Variants in ARMC9 observed in about 807,000 individuals in gnomAD.
ARMC9 encodes armadillo repeat containing 9, also known as lisH domain-containing protein ARMC9.
In ARMC9, 94 loss-of-function variants were observed where a neutral mutation model predicts 107.0. That is an observed-to-expected ratio of 0.88 (90% CI 0.74 to 1.04). ARMC9 has a LOEUF of 1.04. ARMC9 is among the 50% of genes least tolerant of loss of function. ARMC9 has a pLI of 0.00. For synonymous variants in ARMC9, 380 were observed against 396.9 expected (o/e 0.96, Z 0.51); for missense variants, 942 against 1,030.1 (o/e 0.91, Z 1.17).
chr2:231,277,637 G>A lies in ARMC9; in HGVS notation c.1475-745G>A, dbSNP rs2039877348. Among the ~76,000 whole-genome samples the A allele has an allele frequency of 2.7e-5, 4 of 150,770 alleles. No homozygotes were observed. In the South Asian group the frequency reaches 8.4e-4, roughly 32 times the overall value. On this transcript the variant is annotated intron_variant, in intron 15 of 24. Coordinates refer to ENST00000611582, the MANE Select transcript of ARMC9 (RefSeq NM_001352754.2). ...GGCAGTGGCATGATCTTGGCTCAGTGGTGCAACCTCTGCCTCCCGGGTTCA... is the reference window on the plus strand; with the variant it reads ...GGCAGTGGCATGATCTTGGCTCAGTAGTGCAACCTCTGCCTCCCGGGTTCA...
intron 20 of ARMC9, among the ~76,000 whole-genome samples, chr2:231,337,175 T>C (rs2044152293): frequency 6.6e-6 from 1 of 151,710 alleles, no homozygotes. Context: ...TTCAGTCTAT[T>C]ATTCCTGCCC....
intron 19 of ARMC9, among the ~76,000 whole-genome samples, chr2:231,319,775 A>C (rs1234529191): frequency 2.0e-5 from 3 of 152,100 alleles, no homozygotes; most frequent in Non-Finnish European, 4.4e-5. Context: ...TGGCCACCAG[A>C]CCATCTTCTT....
At chr2:231,321,422 C>G (rs1045781916) in intron 19 of ARMC9, among the ~76,000 whole-genome samples, 1 of 152,176 alleles carries the variant, frequency 6.6e-6, no homozygotes, top group Non-Finnish European at 1.5e-5. Context: ...GTAGCAGCAG[C>G]CTGGGAGTTT....
intron 19 of ARMC9, among the ~76,000 whole-genome samples, chr2:231,311,787 A>T (rs941455684): frequency 6.6e-6 from 1 of 151,182 alleles, no homozygotes; most frequent in Admixed American, 6.6e-5. Context: ...AAAAAAAAAA[A>T]AAAAAAAAAT....
chr2:231,292,825 G>A (rs2125475697), intron 18 of ARMC9, among the ~76,000 whole-genome samples: 1 of 152,376 alleles, frequency 6.6e-6, no homozygotes, highest in South Asian at 2.1e-4. Context: ...AAGGCCAGAA[G>A]CCCCCAGGTG....
At chr2:231,201,375 C>G (rs1217580574) in intron 1 of ARMC9, among the ~76,000 whole-genome samples, 173 of 152,378 alleles carry the variant, frequency 1.1e-3, no homozygotes, top group African/African-American at 3.8e-3. Context: ...GCCTCCAGCA[C>G]CCGGCTGGCT....
At position 231,362,568 on chromosome 2, in the gene ARMC9, G is replaced by C. The variant is rs1294501105; in HGVS notation, c.2261+1685G>C. On this transcript the variant is annotated intron_variant, in intron 23 of 24. Coordinates refer to ENST00000611582, the MANE Select transcript of ARMC9 (RefSeq NM_001352754.2). This position sits in a 1 kb window ranked among gnomAD's most constrained non-coding sequence, Gnocchi z 4.7. ...AGACCCCTCAGGGTCCAACCCAGAG[G>C]TGCCCTCCCCTTGGTGTCAGTCACT... The C allele has an allele frequency of 6.6e-6, 1 of 151,846 alleles. No individual in the cohort carries two copies. The highest frequency in any genetic ancestry group is 2.4e-5 in the African/African-American group (1 of 41,278). The allele number at this position is 151,846 out of a possible 1,614,324, so 9.4% of individuals were successfully genotyped here.
intron 19 of ARMC9, among the ~76,000 whole-genome samples, chr2:231,299,270 AGT>A (rs1325356335): frequency 6.6e-6 from 1 of 152,238 alleles, no homozygotes; most frequent in Non-Finnish European, 1.5e-5. Context: ...GAAATCATAA[AGT>A]AATTTGACCA....
chr2:231,337,288 ATAT>A (rs1338225393), intron 20 of ARMC9, among the ~76,000 whole-genome samples: 2 of 52,306 alleles, frequency 3.8e-5, no homozygotes, highest in Non-Finnish European at 7.1e-5. Context: ...ATATATATAT[ATAT>A]TTTTTTTTTT....
chr2:231,250,550 G>A lies in ARMC9; in HGVS notation c.880-6036G>A, dbSNP rs564541804. Among the ~76,000 whole-genome samples the A allele has an allele frequency of 3.3e-5, 5 of 152,236 alleles. No homozygotes were observed. The South Asian group carries it at 6.2e-4, about 19-fold the overall frequency. On this transcript the variant is annotated intron_variant, in intron 9 of 24. Transcript: ENST00000611582. ...GGGGATGCTGAGGAAAATCAGTGCC[G>A]GCCCATGCTCCCAGAGGGGAGGGTA... is the stretch of plus-strand genomic sequence containing the variant.
chr2:231,356,009 G>A, intron 22 of ARMC9, 75 bp downstream of exon 22: 1 of 1,471,836 alleles, frequency 6.8e-7, no homozygotes, highest in East Asian at 2.5e-5. Flanking sequence ...AGCAGCAGGA[G>A]TGGCAGACGC....
At chr2:231,361,575 GT>G (rs1264448191) in intron 23 of ARMC9, among the ~76,000 whole-genome samples, 1 of 151,776 alleles carries the variant, frequency 6.6e-6, no homozygotes, top group Non-Finnish European at 1.5e-5. Flanking sequence ...GTTATTAGGG[GT>G]TCTTTAGGGT....
At chr2:231,312,353 C>CG (rs2042401258) in intron 19 of ARMC9, among the ~76,000 whole-genome samples, 1 of 152,222 alleles carries the variant, frequency 6.6e-6, no homozygotes, top group Non-Finnish European at 1.5e-5. Flanking sequence ...CTCCAGAATT[C>CG]TCAGGGCCTC....
Position 231,271,047 on chromosome 2 carries a change from C to G in ARMC9, c.1185C>G (p.Ile395Met). The change falls in exon 13 of 25, where the codon ATC (isoleucine) becomes ATG (methionine). Residue 395 changes from isoleucine (I) to methionine (M), a missense_variant. Ile to Met is a conservative substitution (Grantham distance 10). Coordinates refer to ENST00000611582, the MANE Select transcript of ARMC9 (RefSeq NM_001352754.2). ...DVVRQYMARL[I>M]NAFASLAEGR... ...TGCGGCAGTACATGGCCAGGCTCAT[C>G]AATGCTTTTGCGTCACTGGCAGAAG... 2 of 1,614,132 alleles carry G rather than the reference C, an allele frequency of 1.2e-6. No individual in the cohort carries two copies. The highest frequency in any genetic ancestry group is 1.1e-5 in the South Asian group (1 of 91,082).
intron 19 of ARMC9, among the ~76,000 whole-genome samples, chr2:231,325,590 C>G (rs2043269859): frequency 6.6e-6 from 1 of 152,104 alleles, no homozygotes; most frequent in South Asian, 2.1e-4. Flanking sequence ...TACTCCATGC[C>G]CAGAGCTCCC....
At position 231,331,830 on chromosome 2, in the gene ARMC9, A is replaced by C; in HGVS notation, c.1811A>C (p.Asp604Ala). 1 of 1,614,084 alleles carries C rather than the reference A, an allele frequency of 6.2e-7. No individual in the cohort carries two copies. Among genetic ancestry groups the C allele is most frequent in the Non-Finnish European group, 8.5e-7 (1 of 1,179,962 alleles). The change falls in exon 20 of 25, where the codon GAC becomes GCC. Residue 604 changes from aspartate to alanine, a missense_variant. Coordinates refer to ENST00000611582, the MANE Select transcript of ARMC9 (RefSeq NM_001352754.2). ...ATCATGGAAGCCGATCTGGACAAAG[A>C]CGAACTGATCCAGCCCCAGCTCGGA... ...HDIMEADLDK[D>A]ELIQPQLGEL...
chr2:231,222,594 A>G (rs1458430814), intron 5 of ARMC9, 134 bp from the exon 6 acceptor site: 3 of 505,656 alleles, frequency 5.9e-6, no homozygotes, highest in Non-Finnish European at 1.1e-5. Context: ...TGTTTTTCAC[A>G]GCCTCACGTC....
intron 8 of ARMC9, among the ~76,000 whole-genome samples, chr2:231,238,587 A>G (rs1425882059): frequency 6.6e-6 from 1 of 152,208 alleles, no homozygotes; most frequent in Non-Finnish European, 1.5e-5. Flanking sequence ...TCCTGAGCTC[A>G]AGTGATCCGC....
intron 12 of ARMC9, among the ~76,000 whole-genome samples, chr2:231,264,494 A>G (rs1435106618): frequency 2.8e-5 from 4 of 142,980 alleles, no homozygotes; most frequent in Non-Finnish European, 6.1e-5. Flanking sequence ...TTATTTATTT[A>G]TTTATTCATT....
Sources: allele counts gnomAD v4.1 joint callset (sites outside exome capture counted in the v4.1 genomes callset), GRCh38; gene constraint gnomAD v4.1.1; non-coding constraint Gnocchi (gnomAD v3.1); transcripts MANE v1.5; gene names NCBI Gene and HGNC (gene_info 2026-07-23, HGNC 2026-07-21).